The following PSAT1 variants were observed in gnomAD, a reference collection of about 807,000 sequenced individuals.
The protein encoded by PSAT1 is phosphoserine aminotransferase 1, also known as phosphoserine aminotransferase.
Under a neutral mutation model 40.3 loss-of-function variants are expected in PSAT1, and 41 were observed. The observed-to-expected ratio is 1.02, with a 90% CI of 0.79 to 1.32. The LOEUF (loss-of-function observed/expected upper bound fraction) is 1.32. Among genes scored for constraint, PSAT1 ranks in the 40% most tolerant of loss-of-function variants. The pLI is 0.00. For missense variants in PSAT1, 406 were observed against 455.8 expected (o/e 0.89, Z 0.99); for synonymous variants, 147 against 170.5 (o/e 0.86, Z 1.07).
chr9:78,328,932 C>G (rs369272632), intron 8 of PSAT1, 49 bp from the exon 9 acceptor site: 1 of 1,459,836 alleles, frequency 6.9e-7, no homozygotes, highest in East Asian at 2.3e-5. Flanking sequence ...TGTTTTGATG[C>G]GAAATTAGAC....
chr9:78,302,550 A>G (rs1277406856), intron 3 of PSAT1, among the ~76,000 whole-genome samples: 1 of 151,980 alleles, frequency 6.6e-6, no homozygotes, highest in African/African-American at 2.4e-5. Flanking sequence ...ACCACGGTGA[A>G]ACCCCATCTA....
At chr9:78,305,301 G>C (rs1459695612) in intron 4 of PSAT1, among the ~76,000 whole-genome samples, 1 of 152,158 alleles carries the variant, frequency 6.6e-6, no homozygotes. Context: ...TTTTAGTAGA[G>C]ACAGAGTTTA....
In PSAT1 at chr9:78,314,362, AGG is replaced by A. The variant is rs2118670619; in HGVS notation, c.741-3311_741-3310del. ...AGTGCTCTGCAGAGGGCTGGGTGGG[AGG>A]GGAGGCAGGACCTCTTATCCTGTGT... On this transcript the variant is annotated intron_variant, in intron 6 of 8. Coordinates refer to ENST00000376588, the MANE Select transcript of PSAT1 (RefSeq NM_058179.4). 3.2e-5 allele frequency among the ~76,000 whole-genome samples: 2 copies of A among 62,016 alleles called. 1 individual carries two copies. Among genetic ancestry groups the A allele is most frequent in the South Asian group, 2.1e-3 (2 of 974 alleles). The allele number at this position is 62,016 out of a possible 152,430, so 40.7% of individuals were successfully genotyped here.
At chr9:78,306,868 C>T (rs1828192045) in intron 5 of PSAT1, among the ~76,000 whole-genome samples, 2 of 152,202 alleles carry the variant, frequency 1.3e-5, no homozygotes, top group South Asian at 4.1e-4. Flanking sequence ...TACCCACCTC[C>T]AAAAGCATCA....
chr9:78,304,631 T>G, intron 3 of PSAT1, 104 bp from the exon 4 acceptor site: 1 of 1,051,300 alleles, frequency 9.5e-7, no homozygotes. Flanking sequence ...CCATATTTCT[T>G]GTAGTAAATC....
At chr9:78,299,144 C>CAAAAAAAAAAAAAAAAAAAAAAAAAA (rs71360679) in intron 1 of PSAT1, among the ~76,000 whole-genome samples, 4 of 87,308 alleles carry the variant, frequency 4.6e-5, no homozygotes, top group African/African-American at 1.8e-4. Context: ...TGTCTCTTAA[C>CAAAAAAAAAAAAAAAAAAAAAAAAAA]AAAAAAAAAA....
chr9:78,306,144 G>A (rs188527139), intron 4 of PSAT1, among the ~76,000 whole-genome samples, 170 bp from the exon 5 acceptor site: 11 of 152,320 alleles, frequency 7.2e-5, no homozygotes, highest in Admixed American at 5.2e-4. Context: ...TGTTGATAAC[G>A]ATGGTAACAA....
chr9:78,312,029 G>A (rs940182827), intron 6 of PSAT1, among the ~76,000 whole-genome samples: 1 of 149,362 alleles, frequency 6.7e-6, no homozygotes, highest in Admixed American at 6.7e-5. Context: ...TCTTGAAAAG[G>A]CCTCACTTTT....
intron 8 of PSAT1, 109 bp from the exon 9 acceptor site, chr9:78,328,872 A>G (rs1397635352): frequency 1.2e-6 from 1 of 847,964 alleles, no homozygotes; most frequent in African/African-American, 1.7e-5. Context: ...GAGACCGGAA[A>G]TGATGGTCTC....
Position 78,315,176 on chromosome 9 carries a change from C to T in PSAT1, c.741-2500C>T, listed in dbSNP as rs186808439. Among the ~76,000 whole-genome samples, 1,223 of 152,284 alleles carry T rather than the reference C, an allele frequency of 8.0e-3. 19 individuals carry two copies. The highest frequency in any genetic ancestry group is 0.033 in the South Asian group (159 of 4,832). The stretch of plus-strand genomic sequence containing the variant: ...GTGGTGATAGCTCTGCAGTCCCACT[C>T]GCAGGGGAGCTAGTGGCTGGAGCCC... On this transcript the variant is annotated intron_variant, in intron 6 of 8. Transcript: ENST00000376588.
rs762084954 is a variant in PSAT1 at position 78,328,060 on chromosome 9, G to A, written c.879G>A (p.Val293=). ...TAAACATGTTTTTCAGTTGTCCAGT[G>A]GAGCCCCAAAATAGAAGCAAGATGA... ...DNSQGFYVCP[V]EPQNRSKMNI... The change falls in exon 8 of 9, where the codon GTG becomes GTA. Residue 293 remains valine, a synonymous_variant. Transcript: ENST00000376588. The A allele has an allele frequency of 5.0e-6, 8 of 1,610,896 alleles. No homozygotes were observed. In the Admixed American group the frequency reaches 8.3e-5, roughly 17 times the overall value.
chr9:78,320,097 C>T (rs188024775), intron 7 of PSAT1, among the ~76,000 whole-genome samples: 2 of 151,090 alleles, frequency 1.3e-5, no homozygotes, highest in African/African-American at 4.9e-5. Flanking sequence ...CTACCACCTG[C>T]CTACCTATCC....
intron 6 of PSAT1, among the ~76,000 whole-genome samples, chr9:78,313,000 C>A (rs888740976): frequency 6.6e-6 from 1 of 152,172 alleles, no homozygotes; most frequent in Non-Finnish European, 1.5e-5. Context: ...TTCCAGGGGA[C>A]TTTCTGGTGT....
rs770123377 is a variant in PSAT1 at position 78,300,593 on chromosome 9, T to G, written c.61-9T>G. On this transcript the variant is annotated splice_polypyrimidine_tract_variant and intron_variant, in intron 1 of 8. Transcript: ENST00000376588. The stretch of plus-strand genomic sequence containing the variant: ...TTAAATAACCCTATTTTCCTTTATT[T>G]TTTTCTAGGTGTTGTTAGAGATACA... The G allele has an allele frequency of 6.2e-7, 1 of 1,609,176 alleles. No individual in the cohort carries two copies. The highest frequency in any genetic ancestry group is 8.5e-7 in the Non-Finnish European group (1 of 1,178,438).
rs145185523 is a variant in PSAT1 at position 78,297,631 on chromosome 9, GA to G, written c.60+366del. Among the ~76,000 whole-genome samples, 298 of 152,344 alleles carry G rather than the reference GA, an allele frequency of 2.0e-3. 1 individual carries two copies. The highest frequency in any genetic ancestry group is 6.8e-3 in the African/African-American group (281 of 41,588). ...CCGGGGGCTGGGGCGGGGCGAAAAA[GA>G]AAAAGCTCTGATCTCTGCCTTCGCC... On this transcript the variant is annotated intron_variant, in intron 1 of 8. Transcript: ENST00000376588.
intron 1 of PSAT1, chr9:78,298,383 C>T: frequency 1.0e-6 from 1 of 985,172 alleles, no homozygotes; most frequent in Non-Finnish European, 1.2e-6. Flanking sequence ...GGGACAGAGC[C>T]TCCTCTGTGT....
chr9:78,319,342 T>A (rs1364981120), intron 7 of PSAT1, among the ~76,000 whole-genome samples: 1 of 152,210 alleles, frequency 6.6e-6, no homozygotes, highest in Non-Finnish European at 1.5e-5. Flanking sequence ...TGACATGCAG[T>A]GGCCCTCCTC....
chr9:78,311,587 A>G (rs1265087020), intron 6 of PSAT1, among the ~76,000 whole-genome samples: 21 of 152,152 alleles, frequency 1.4e-4, no homozygotes, highest in Non-Finnish European at 1.5e-5. Context: ...TAATCCCAGC[A>G]CTTTGGGAGG....
chr9:78,308,524 C>T lies in PSAT1; in HGVS notation c.681C>T (p.Val227=), dbSNP rs751720124. 22 of 1,613,662 alleles carry T rather than the reference C, an allele frequency of 1.4e-5. No homozygotes were observed. The highest frequency in any genetic ancestry group is 1.8e-5 in the Non-Finnish European group (21 of 1,179,972). The change falls in exon 6 of 9, where the codon GTC becomes GTT. Residue 227 remains valine, a synonymous_variant. Coordinates refer to ENST00000376588, the MANE Select transcript of PSAT1 (RefSeq NM_058179.4). Reference sequence around the variant, plus strand: ...TTGCCCTCCGAGAGTGCCCCTCGGTCCTGGAATACAAGGTGCAGGCTGGAA... The same window carrying T: ...TTGCCCTCCGAGAGTGCCCCTCGGTTCTGGAATACAAGGTGCAGGCTGGAA... ...LGFALRECPS[V]LEYKVQAGNS... is the part of the protein sequence containing the mutation.
Sources: allele counts gnomAD v4.1 joint callset (sites outside exome capture counted in the v4.1 genomes callset), GRCh38; gene constraint gnomAD v4.1.1; transcripts MANE v1.5; gene names NCBI Gene and HGNC (gene_info 2026-07-23, HGNC 2026-07-21).